Variants in DNAH14 observed in about 807,000 individuals in gnomAD.
DNAH14 encodes the protein dynein axonemal heavy chain 14.
DNAH14 carries 478 observed loss-of-function variants against 520.9 expected under a neutral mutation model. That is an observed-to-expected ratio of 0.92 (90% confidence interval 0.85 to 0.99). The LOEUF is 0.99. Ranked by LOEUF, DNAH14 falls within the 50% of genes least tolerant of loss-of-function variation. DNAH14 has a pLI of 0.00. For synonymous variants in DNAH14, 1,581 were observed against 1,757.2 expected, an observed-to-expected ratio of 0.90 and a Z score of 2.51; for missense variants, 4,831 against 5,234.5, an observed-to-expected ratio of 0.92 and a Z score of 2.38.
At chr1:224,967,062 A>G (rs925452384) in intron 5 of DNAH14, among the ~76,000 whole-genome samples, 2 of 152,136 alleles carry the variant, frequency 1.3e-5, no homozygotes, top group African/African-American at 2.4e-5. Flanking sequence ...TAAATGACAA[A>G]TTTAATATGC....
At chr1:224,970,432 A>T (rs2125621916) in intron 7 of DNAH14, among the ~76,000 whole-genome samples, 1 of 151,926 alleles carries the variant, frequency 6.6e-6, no homozygotes, top group East Asian at 1.9e-4. Context: ...TTGCCTTGTG[A>T]TATCTTATTA....
intron 29 of DNAH14, 71 bp downstream of exon 29, chr1:225,144,699 A>C: frequency 8.4e-7 from 1 of 1,191,452 alleles, no homozygotes; most frequent in Non-Finnish European, 1.2e-6. Context: ...TGTTATCTTA[A>C]ATTTACACCA....
At chr1:225,137,170 C>T (rs796387846) in intron 27 of DNAH14, among the ~76,000 whole-genome samples, 8 of 152,282 alleles carry the variant, frequency 5.3e-5, no homozygotes, top group African/African-American at 1.9e-4. Context: ...GTATCTCAGC[C>T]TCAGCCCAGT....
intron 23 of DNAH14, among the ~76,000 whole-genome samples, chr1:225,105,345 A>G (rs1269952481): frequency 6.6e-6 from 1 of 152,180 alleles, no homozygotes; most frequent in Non-Finnish European, 1.5e-5. Flanking sequence ...TGTGGTGCTG[A>G]GAAGAATGTA....
In DNAH14 at chr1:225,303,173, T is replaced by C. The variant is rs2094172381; in HGVS notation, c.8649T>C (p.Leu2883=). The C allele has an allele frequency of 2.0e-6, 3 of 1,490,076 alleles. No homozygotes were observed. Among genetic ancestry groups the C allele is most frequent in the African/African-American group, 1.4e-5 (1 of 70,130 alleles). The allele number at this position is 1,490,076 out of a possible 1,614,324, so 92.3% of individuals were successfully genotyped here. A position where few individuals can be genotyped will look rare whatever the true frequency, so the allele number is the denominator to read the frequency against. Residue 2883 remains leucine (L), a synonymous_variant, in exon 57 of 86, where the codon CTT becomes CTC. Coordinates refer to ENST00000682510, the MANE Select transcript of DNAH14 (RefSeq NM_001367479.1). ...SFFQKRIYKN[L]HIFVIMSPEG... Reference sequence around the variant, plus strand: ...ATTTTCAGAGAATATATAAAAATCTTCATATTTTTGTGATCATGAGTCCTG... The same window carrying C: ...ATTTTCAGAGAATATATAAAAATCTCCATATTTTTGTGATCATGAGTCCTG...
At chr1:225,318,987 T>C (rs148046075) in intron 61 of DNAH14, among the ~76,000 whole-genome samples, 10 of 152,220 alleles carry the variant, frequency 6.6e-5, no homozygotes, top group African/African-American at 2.4e-4. Flanking sequence ...GTCTCTTTGA[T>C]GTAAAAATGT....
intron 82 of DNAH14, among the ~76,000 whole-genome samples, chr1:225,388,796 GCCAA>G (rs2095870755): frequency 6.6e-6 from 1 of 150,758 alleles, no homozygotes. Context: ...TTTTTTTTGA[GCCAA>G]GAGTCTCCCT....
Position 225,346,439 on chromosome 1 carries a change from T to G in DNAH14, c.11098-17T>G. ...TATTTAATCTCACTGGATTAATATG[T>G]TATATTTTCCCTATAGGTGGTTTCT... On this transcript the variant is annotated splice_polypyrimidine_tract_variant and intron_variant, in intron 70 of 85. Transcript: ENST00000682510. The G allele has an allele frequency of 1.3e-6, 2 of 1,538,602 alleles. No individual in the cohort carries two copies. The highest frequency in any genetic ancestry group is 1.7e-6 in the Non-Finnish European group (2 of 1,143,620).
At chr1:225,046,661 C>T (rs564154393) in intron 15 of DNAH14, among the ~76,000 whole-genome samples, 1 of 152,198 alleles carries the variant, frequency 6.6e-6, no homozygotes, top group African/African-American at 2.4e-5. Context: ...ATGTCTGTAA[C>T]TTATGTACCA....
At chr1:225,151,960 A>G (rs758405902) in intron 31 of DNAH14, 45 bp from the exon 32 acceptor site, 14 of 1,462,766 alleles carry the variant, frequency 9.6e-6, no homozygotes, top group Non-Finnish European at 1.3e-5. Context: ...CATGCTTTGG[A>G]CTAGAGAAAA....
intron 55 of DNAH14, among the ~76,000 whole-genome samples, chr1:225,293,136 C>T (rs1222535808): frequency 6.6e-6 from 1 of 152,102 alleles, no homozygotes; most frequent in East Asian, 1.9e-4. Flanking sequence ...CATCTAACAC[C>T]AGTCAGAATG....
chr1:225,175,792 G>A (rs558105911), intron 36 of DNAH14, among the ~76,000 whole-genome samples: 4 of 146,414 alleles, frequency 2.7e-5, no homozygotes, highest in African/African-American at 1.0e-4. Flanking sequence ...CTGAGACTTA[G>A]TTAGTAAGTC....
intron 38 of DNAH14, among the ~76,000 whole-genome samples, chr1:225,197,807 G>A (rs2086349924): frequency 6.6e-6 from 1 of 152,116 alleles, no homozygotes; most frequent in Non-Finnish European, 1.5e-5. Context: ...TAGTGTAAAA[G>A]GTGTTGAGTT....
intron 8 of DNAH14, among the ~76,000 whole-genome samples, chr1:224,977,482 T>TATA (rs988983638): frequency 1.5e-4 from 23 of 152,030 alleles, no homozygotes; most frequent in African/African-American, 5.1e-4. Flanking sequence ...AAACTTAAAG[T>TATA]ATAATAATAA....
intron 17 of DNAH14, among the ~76,000 whole-genome samples, chr1:225,077,942 A>G (rs2072499553): frequency 6.6e-6 from 1 of 152,208 alleles, no homozygotes; most frequent in African/African-American, 2.4e-5. Context: ...ACACACACAT[A>G]TGTGAAATTA....
At chr1:224,951,575 G>A (rs1345630327) in intron 1 of DNAH14, among the ~76,000 whole-genome samples, 3 of 150,232 alleles carry the variant, frequency 2.0e-5, no homozygotes, top group Admixed American at 6.6e-5. Flanking sequence ...CCTGAGTCTC[G>A]TCAATAGGTA....
At chr1:225,261,119 T>G (rs582620) in intron 46 of DNAH14, among the ~76,000 whole-genome samples, 48,652 of 152,024 alleles carry the variant, frequency 0.32, 9,063 homozygotes, top group East Asian at 0.61. Flanking sequence ...TTCCTATTTG[T>G]ATGCCTTTTA....
chr1:225,385,193 A>G (rs1297053844), intron 81 of DNAH14, among the ~76,000 whole-genome samples: 2 of 152,218 alleles, frequency 1.3e-5, no homozygotes, highest in Non-Finnish European at 2.9e-5. Flanking sequence ...TCATGCTAAA[A>G]ACTCTCAATA....
At chr1:225,048,157 A>G (rs2068135593) in intron 15 of DNAH14, among the ~76,000 whole-genome samples, 3 of 152,156 alleles carry the variant, frequency 2.0e-5, no homozygotes, top group South Asian at 4.1e-4. Context: ...ATAAATGCAT[A>G]TGTAGCTTTT....
Sources: gnomAD v4.1 joint callset for allele counts (sites outside exome capture counted in the v4.1 genomes callset) on GRCh38, gnomAD v4.1.1 for gene constraint, MANE v1.5 for transcripts, NCBI Gene and HGNC (gene_info 2026-07-23, HGNC 2026-07-21) for gene names.